Variants in HRH1 observed in about 807,000 individuals in gnomAD.
The protein encoded by HRH1 is histamine H1 receptor.
HRH1 carries 6 observed loss-of-function variants against 10.3 expected under a neutral mutation model. The ratio of observed to expected loss-of-function variants is 0.58; its 90% confidence interval spans 0.32 to 1.15. The LOEUF is 1.15. HRH1 is among the 50% of genes most tolerant of loss of function. The pLI is 0.05. For missense variants in HRH1, 514 were observed against 615.3 expected (o/e 0.84, Z 1.74); for synonymous variants, 242 against 236.7 (o/e 1.02, Z -0.21).
intron 1 of HRH1, among the ~76,000 whole-genome samples, chr3:11,140,232 G>A (rs774229575): frequency 5.9e-5 from 9 of 152,154 alleles, no homozygotes; most frequent in Admixed American, 1.3e-4. Context: ...GAGAAGTAGT[G>A]AAGATTGAAT....
chr3:11,258,572 G>T (rs965766289), intron 1 of HRH1, among the ~76,000 whole-genome samples: 1 of 152,176 alleles, frequency 6.6e-6, no homozygotes, highest in African/African-American at 2.4e-5. Context: ...CTTGGCCATG[G>T]TGGTATCTCA....
rs147915085 is a variant in HRH1 at position 11,260,276 on chromosome 3, C to G, written c.1239C>G (p.Ala413=). The G allele has an allele frequency of 6.2e-7, 1 of 1,614,152 alleles. No homozygotes were observed. The highest frequency in any genetic ancestry group is 1.6e-4 in the Middle Eastern group (1 of 6,062). ...SGLHMNRERK[A]AKQLGFIMAA... ...TGCACATGAACCGCGAAAGGAAGGC[C>G]GCCAAACAGTTGGGTTTTATCATGG... Residue 413 remains alanine, a synonymous_variant, in exon 2 of 2, where the codon GCC becomes GCG. Transcript: ENST00000431010.
At chr3:11,177,383 C>T (rs183223692) in intron 1 of HRH1, among the ~76,000 whole-genome samples, 27 of 152,294 alleles carry the variant, frequency 1.8e-4, no homozygotes, top group Non-Finnish European at 3.4e-4. Flanking sequence ...AACCCCAGAC[C>T]TACTGCCCAT....
At chr3:11,218,989 C>T (rs1420600229) in intron 1 of HRH1, among the ~76,000 whole-genome samples, 1 of 152,108 alleles carries the variant, frequency 6.6e-6, no homozygotes, top group African/African-American at 2.4e-5. Flanking sequence ...CTCCTAGGTT[C>T]AAGCAATTTT....
In HRH1 at chr3:11,219,524, C is replaced by T. The variant is rs143750019; in HGVS notation, c.-35-39479C>T. ...GTCAGGAGTTCAAAACCAGCCTGGC[C>T]AACATAGTGAAACCCCCGTCTCTAC... On this transcript the variant is annotated intron_variant, in intron 1 of 1. Transcript: ENST00000431010. 6.3e-4 allele frequency among the ~76,000 whole-genome samples: 96 copies of T among 151,868 alleles called. 3 individuals carry two copies. In the East Asian group the frequency reaches 0.018, roughly 28 times the overall value.
At chr3:11,198,954 C>G (rs1315674727) in intron 1 of HRH1, among the ~76,000 whole-genome samples, 1 of 151,424 alleles carries the variant, frequency 6.6e-6, no homozygotes, top group Non-Finnish European at 1.5e-5. Context: ...GACAGAGTCT[C>G]ACTCCATCAG....
upstream of HRH1, among the ~76,000 whole-genome samples, chr3:11,152,616 GCCC>G (rs920128751): frequency 3.9e-5 from 2 of 51,860 alleles, no homozygotes; most frequent in Admixed American, 2.0e-4. Flanking sequence ...CACCCGCCCT[GCCC>G]CCATCCCCCC....
At chr3:11,194,956 C>A (rs1339517291) in intron 1 of HRH1, among the ~76,000 whole-genome samples, 1 of 152,176 alleles carries the variant, frequency 6.6e-6, no homozygotes, top group Non-Finnish European at 1.5e-5. Context: ...ACAACAGCTT[C>A]TTTGTGAGAT....
chr3:11,239,104 C>G (rs1170314206), intron 1 of HRH1, among the ~76,000 whole-genome samples: 1 of 152,226 alleles, frequency 6.6e-6, no homozygotes, highest in Non-Finnish European at 1.5e-5. Flanking sequence ...TTCACAGTAG[C>G]TGCACCATTT....
chr3:11,187,018 TAAAAG>T (rs1437400275), intron 1 of HRH1, among the ~76,000 whole-genome samples: 2 of 152,164 alleles, frequency 1.3e-5, no homozygotes, highest in East Asian at 3.8e-4. Flanking sequence ...TTAAAAAAGA[TAAAAG>T]TATGCAAGTA....
At chr3:11,214,485 T>C (rs1938428148) in intron 1 of HRH1, among the ~76,000 whole-genome samples, 1 of 152,218 alleles carries the variant, frequency 6.6e-6, no homozygotes, top group Non-Finnish European at 1.5e-5. Flanking sequence ...GGCCTTCTGC[T>C]GTCCTATAGA....
intron 1 of HRH1, among the ~76,000 whole-genome samples, chr3:11,184,401 G>T (rs773894690): frequency 1.3e-5 from 2 of 152,062 alleles, no homozygotes; most frequent in South Asian, 4.2e-4. Flanking sequence ...AACGCAGGCG[G>T]TCCATCTCCA....
intron 1 of HRH1, among the ~76,000 whole-genome samples, chr3:11,232,301 A>G (rs1184834784): frequency 6.6e-6 from 1 of 152,140 alleles, no homozygotes; most frequent in Admixed American, 6.6e-5. Context: ...TAATTTTTTT[A>G]AAAGACATAT....
In HRH1 at chr3:11,222,912, C is replaced by T. The variant is rs375184605; in HGVS notation, c.-35-36091C>T. 1.8e-4 allele frequency among the ~76,000 whole-genome samples: 28 copies of T among 152,124 alleles called. 2 individuals are homozygous for T. The South Asian group carries it at 4.2e-3, about 23-fold the overall frequency. The stretch of plus-strand genomic sequence containing the variant: ...TTAAAATGCAGACGCTCCAGCCGGG[C>T]GCGGTGGCTCACGCCTGTAATCCTA... On this transcript the variant is annotated intron_variant, in intron 1 of 1. Coordinates refer to ENST00000431010, the MANE Select transcript of HRH1 (RefSeq NM_001098212.2).
chr3:11,221,569 G>T (rs903397898), intron 1 of HRH1, among the ~76,000 whole-genome samples: 1 of 150,168 alleles, frequency 6.7e-6, no homozygotes, highest in African/African-American at 2.5e-5. Context: ...AAAAAAAAAT[G>T]TATATATATA....
At chr3:11,140,867 G>A (rs1412457570) in intron 1 of HRH1, among the ~76,000 whole-genome samples, 1 of 152,120 alleles carries the variant, frequency 6.6e-6, no homozygotes, top group Non-Finnish European at 1.5e-5. Context: ...CCTTAAGATG[G>A]GTTGTTGCTT....
chr3:11,151,984 CT>C (rs1049763667), upstream of HRH1, among the ~76,000 whole-genome samples: 5 of 152,118 alleles, frequency 3.3e-5, no homozygotes, highest in African/African-American at 1.2e-4. Flanking sequence ...GAGGTTGTCC[CT>C]TTTTTCTGCT....
chr3:11,202,838 T>C (rs1383680857), intron 1 of HRH1, among the ~76,000 whole-genome samples: 1 of 152,240 alleles, frequency 6.6e-6, no homozygotes, highest in African/African-American at 2.4e-5. Flanking sequence ...GACAAATGGA[T>C]AATATGTATC....
At chr3:11,256,809 A>G (rs1490932236) in intron 1 of HRH1, among the ~76,000 whole-genome samples, 1 of 152,144 alleles carries the variant, frequency 6.6e-6, no homozygotes, top group Non-Finnish European at 1.5e-5. Context: ...AAATAAATAA[A>G]TAAATAAATT....
Sources: allele counts gnomAD v4.1 joint callset (sites outside exome capture counted in the v4.1 genomes callset), GRCh38; gene constraint gnomAD v4.1.1; transcripts MANE v1.5; gene names NCBI Gene and HGNC (gene_info 2026-07-23, HGNC 2026-07-21).